Variants in ANKRD30BL observed in about 807,000 individuals in gnomAD.
ANKRD30BL encodes the protein ankyrin repeat domain 30B like.
Under a neutral mutation model 18.4 loss-of-function variants are expected in ANKRD30BL, and 20 were observed. The ratio of observed to expected loss-of-function variants is 1.09; its 90% CI spans 0.77 to 1.58. The LOEUF (loss-of-function observed/expected upper bound fraction) is 1.58. ANKRD30BL is among the 40% of genes most tolerant of loss of function. The pLI, the probability that ANKRD30BL is intolerant of heterozygous loss-of-function variation, is 0.00. For missense variants in ANKRD30BL, 224 were observed against 268.6 expected, an observed-to-expected ratio of 0.83 and a Z score of 1.16; for synonymous variants, 72 against 100.9, an observed-to-expected ratio of 0.71 and a Z score of 1.72.
chr2:132,162,863 G>A (rs1688110789), upstream of ANKRD30BL, among the ~76,000 whole-genome samples: 1 of 152,262 alleles, frequency 6.6e-6, no homozygotes, highest in African/African-American at 2.4e-5. Context: ...GAGGGGAAGA[G>A]GGGAGTTTGG....
chr2:132,251,239 T>C (rs957997231), intron 1 of ANKRD30BL, among the ~76,000 whole-genome samples: 4 of 152,178 alleles, frequency 2.6e-5, no homozygotes, highest in Non-Finnish European at 5.9e-5. Flanking sequence ...CGCATAGCCA[T>C]AGAGCATTAT....
At chr2:132,162,702 G>A (rs1211071167), upstream of ANKRD30BL, among the ~76,000 whole-genome samples, 2 of 152,006 alleles carry the variant, frequency 1.3e-5, no homozygotes, top group African/African-American at 4.8e-5. Flanking sequence ...GGCTGGGCCC[G>A]ACGGCCTGAG....
intron 1 of ANKRD30BL, among the ~76,000 whole-genome samples, chr2:132,185,403 G>A (rs1448010057): frequency 2.0e-5 from 3 of 152,030 alleles, no homozygotes. Context: ...TTTCCTTTCT[G>A]TGCTGTTTTA....
At chr2:132,241,088 A>G (rs1278466179) in intron 1 of ANKRD30BL, among the ~76,000 whole-genome samples, 3 of 146,224 alleles carry the variant, frequency 2.1e-5, no homozygotes, top group African/African-American at 7.6e-5. Context: ...ATTCCTTTTC[A>G]TAGAGCAGTT....
intron 1 of ANKRD30BL, among the ~76,000 whole-genome samples, chr2:132,252,701 C>T (rs556585264): frequency 6.6e-6 from 1 of 152,170 alleles, no homozygotes; most frequent in Admixed American, 6.5e-5. Context: ...CCCGGTGGAC[C>T]CTTCCTATTT....
chr2:132,175,429 T>G (rs1034092104), intron 1 of ANKRD30BL, among the ~76,000 whole-genome samples: 16 of 152,348 alleles, frequency 1.1e-4, no homozygotes, highest in African/African-American at 3.6e-4. Flanking sequence ...ATGTCTTGCC[T>G]CCTGCCATAA....
intron 1 of ANKRD30BL, among the ~76,000 whole-genome samples, chr2:132,240,973 C>T (rs995069245): frequency 2.0e-4 from 31 of 151,736 alleles, no homozygotes; most frequent in Non-Finnish European, 8.8e-5. Flanking sequence ...ATTTGGATAG[C>T]TTTGAGGCTT....
intron 1 of ANKRD30BL, among the ~76,000 whole-genome samples, chr2:132,220,057 TCA>T (rs1354431314): frequency 2.0e-5 from 3 of 152,244 alleles, no homozygotes; most frequent in Non-Finnish European, 4.4e-5. Context: ...TGCATTCAAC[TCA>T]CAGAGTTGGA....
At chr2:132,204,967 G>T (rs575318428) in intron 1 of ANKRD30BL, among the ~76,000 whole-genome samples, 1 of 152,230 alleles carries the variant, frequency 6.6e-6, no homozygotes, top group African/African-American at 2.4e-5. Context: ...AAACATCAAA[G>T]GAAATGCTGG....
Position 132,161,663 on chromosome 2 carries a change from G to A in ANKRD30BL, c.43C>T (p.Pro15Ser). The change falls in exon 1 of 6, where the codon CCA becomes TCA. Residue 15 changes from proline (P) to serine (S), a missense_variant. This residue lies in a region of ANKRD30BL where 131 missense variants were observed against 128.8 expected (regional missense o/e 1.02). Coordinates refer to ENST00000409867, the MANE Select transcript of ANKRD30BL (RefSeq NM_001358416.1). ...SAAPVKGQTG[P>S]ERPSPFSQLV... ...TGACTGAAGGGGCTCGGGCGCTCTG[G>A]GCCCGTCTGGCCCTTGACAGGGGCG... The A allele has an allele frequency of 6.9e-7, 1 of 1,450,614 alleles. No homozygotes were observed. The highest frequency in any genetic ancestry group is 9.5e-7 in the Non-Finnish European group (1 of 1,057,902). 89.9% of individuals were successfully genotyped at this position (1,450,614 alleles called of 1,614,324 possible).
chr2:132,209,336 AAATATCTTCCCTT>A (rs897114651), intron 1 of ANKRD30BL, among the ~76,000 whole-genome samples: 5 of 151,948 alleles, frequency 3.3e-5, no homozygotes, highest in African/African-American at 1.2e-4. Context: ...GAGGAAAGGG[AAATATCTTCCCTT>A]AAAAACTAGA....
At chr2:132,179,870 T>TGG (rs1688432354) in intron 1 of ANKRD30BL, among the ~76,000 whole-genome samples, 10 of 152,132 alleles carry the variant, frequency 6.6e-5, no homozygotes, top group Admixed American at 5.2e-4. Context: ...ACACAAAAAT[T>TGG]AAAAATTGGA....
chr2:132,230,065 C>T (rs1308346608), intron 1 of ANKRD30BL, among the ~76,000 whole-genome samples: 15 of 151,556 alleles, frequency 9.9e-5, no homozygotes, highest in African/African-American at 2.4e-4. Context: ...GTTTCAAACA[C>T]GCTTTTTGTA....
chr2:132,182,316 A>C (rs1688482036), intron 1 of ANKRD30BL, among the ~76,000 whole-genome samples: 1 of 151,384 alleles, frequency 6.6e-6, no homozygotes, highest in Admixed American at 6.6e-5. Flanking sequence ...CCCCGTCTCT[A>C]CTAAAAACAC....
At chr2:132,222,832 T>TACAAAAAAAAA (rs1679728430) in intron 1 of ANKRD30BL, among the ~76,000 whole-genome samples, 1 of 52,808 alleles carries the variant, frequency 1.9e-5, no homozygotes, top group African/African-American at 5.2e-5. Context: ...GAATGATCAA[T>TACAAAAAAAAA]AAAAAAAAAA....
At chr2:132,170,628 A>G (rs1342123233) in intron 1 of ANKRD30BL, among the ~76,000 whole-genome samples, 1 of 152,354 alleles carries the variant, frequency 6.6e-6, no homozygotes, top group East Asian at 1.9e-4. Context: ...GAAAATACCT[A>G]TTAAGGAATA....
intron 1 of ANKRD30BL, among the ~76,000 whole-genome samples, chr2:132,197,914 G>C (rs1484792456): frequency 1.3e-5 from 2 of 151,798 alleles, no homozygotes; most frequent in African/African-American, 2.4e-5. Flanking sequence ...CTATGTATAA[G>C]CTTTTATTTT....
At chr2:132,254,031 C>T (rs76041760) in intron 1 of ANKRD30BL, among the ~76,000 whole-genome samples, 1 of 143,486 alleles carries the variant, frequency 7.0e-6, no homozygotes, top group South Asian at 2.1e-4. Context: ...ACTGAGACCC[C>T]CACCCCACCG....
chr2:132,180,902 C>T (rs1196135979), intron 1 of ANKRD30BL, among the ~76,000 whole-genome samples: 1 of 152,074 alleles, frequency 6.6e-6, no homozygotes, highest in Non-Finnish European at 1.5e-5. Flanking sequence ...AATCCCAGCA[C>T]TTTGGGAGGC....
Sources: gnomAD v4.1 joint callset for allele counts (sites outside exome capture counted in the v4.1 genomes callset) on GRCh38, gnomAD v4.1.1 for gene constraint, gnomAD v4.1.1 regional missense constraint, MANE v1.5 for transcripts, NCBI Gene and HGNC (gene_info 2026-07-23, HGNC 2026-07-21) for gene names.